Variants in DNAH10 observed in about 807,000 individuals in gnomAD.
DNAH10 encodes dynein axonemal heavy chain 10, also known as axonemal beta dynein heavy chain 10.
A neutral mutation model predicts 506.6 loss-of-function variants in DNAH10; 348 were observed. That is an observed-to-expected ratio of 0.69 (90% CI 0.63 to 0.75). DNAH10 has a LOEUF of 0.75. DNAH10 is among the 30% of genes least tolerant of loss of function. The pLI is 0.00. For missense variants in DNAH10, 5,179 were observed against 5,787.1 expected (o/e 0.89, Z 3.41); for synonymous variants, 2,059 against 2,198.6 (o/e 0.94, Z 1.78).
chr12:123,775,056 T>C (rs1400729697), intron 5 of DNAH10, among the ~76,000 whole-genome samples: 1 of 152,204 alleles, frequency 6.6e-6, no homozygotes, highest in East Asian at 1.9e-4. Context: ...GTGCACTGTG[T>C]GTGTGCAGAG....
chr12:123,921,018 C>T (rs1474645860), intron 65 of DNAH10, among the ~76,000 whole-genome samples: 2 of 152,202 alleles, frequency 1.3e-5, no homozygotes, highest in Admixed American at 1.3e-4. Flanking sequence ...AGGGATCCTC[C>T]TGCCTCGGCC....
chr12:123,785,421 TA>T lies in DNAH10; in HGVS notation c.1231-318del, dbSNP rs1054820491. The stretch of plus-strand genomic sequence containing the variant: ...TATTTGAGTTATTATTATAAGAGAT[TA>T]AAAAAAGTCTGCTCACCTGGGCAAC... On this transcript the variant is annotated intron_variant, in intron 8 of 78. Coordinates refer to ENST00000673944, the MANE Select transcript of DNAH10 (RefSeq NM_001372106.1). The surrounding 1 kb of genome is among the most constrained non-coding windows in gnomAD (Gnocchi z 4.1). Among the ~76,000 whole-genome samples, 1 of 152,022 alleles carries T rather than the reference TA, an allele frequency of 6.6e-6. No homozygotes were observed. The highest frequency in any genetic ancestry group is 2.4e-5 in the African/African-American group (1 of 41,392).
intron 43 of DNAH10, among the ~76,000 whole-genome samples, chr12:123,869,629 A>G (rs1159226713): frequency 6.6e-6 from 1 of 152,144 alleles, no homozygotes; most frequent in Non-Finnish European, 1.5e-5. Flanking sequence ...AAAAGCCTAT[A>G]GCTCCTGTCT....
At position 123,921,594 on chromosome 12, in the gene DNAH10, T is replaced by A. The variant is rs183781140; in HGVS notation, c.11507-2169T>A. ...GTTCCTGAGCTTTTGATGTGTTCTG[T>A]GGTTTGCATCTCAGCTTTATCTCCT... is the stretch of plus-strand genomic sequence containing the variant. On this transcript the variant is annotated intron_variant, in intron 65 of 78. Transcript: ENST00000673944. Among the ~76,000 whole-genome samples, 4 of 152,002 alleles carry A rather than the reference T, an allele frequency of 2.6e-5. 1 individual carries two copies. The East Asian group carries it at 7.7e-4, about 29-fold the overall frequency.
intron 14 of DNAH10, 40 bp downstream of exon 14, chr12:123,799,411 A>G: frequency 6.3e-7 from 1 of 1,588,220 alleles, no homozygotes; most frequent in South Asian, 1.1e-5. Context: ...GCCGCGTGAG[A>G]CGATGGCGTC....
At chr12:123,841,955 G>A (rs987258518) in intron 30 of DNAH10, among the ~76,000 whole-genome samples, 1 of 152,202 alleles carries the variant, frequency 6.6e-6, no homozygotes, top group Non-Finnish European at 1.5e-5. Flanking sequence ...CAAAGTGCTG[G>A]GATTACAGGT....
intron 11 of DNAH10, among the ~76,000 whole-genome samples, chr12:123,790,641 CAG>C (rs1958044156): frequency 6.6e-6 from 1 of 152,040 alleles, no homozygotes; most frequent in African/African-American, 2.4e-5. Flanking sequence ...ATGAGAAAAA[CAG>C]GAATTGTCTG....
chr12:123,930,258 G>A (rs1379767915), intron 72 of DNAH10, 144 bp from the exon 73 acceptor site: 1 of 732,742 alleles, frequency 1.4e-6, no homozygotes, highest in African/African-American at 1.8e-5. Context: ...GGCCCGAAAG[G>A]TTATGCAAGT....
In DNAH10 at chr12:123,879,523, A is replaced by T. The variant is rs1952408611; in HGVS notation, c.8467-111A>T. The T allele has an allele frequency of 2.4e-5, 36 of 1,526,986 alleles. No individual in the cohort carries two copies. The South Asian group carries it at 4.6e-4, about 19-fold the overall frequency. 94.6% of individuals were successfully genotyped at this position (1,526,986 alleles called of 1,614,324 possible). On this transcript the variant is annotated intron_variant, in intron 49 of 78. Transcript: ENST00000673944. ...TTAAGCGTCTTGCAGCAACTGAAAAAAAATAGAACGCAAATTATTTTAGAT... is the reference window on the plus strand; with the variant it reads ...TTAAGCGTCTTGCAGCAACTGAAAATAAATAGAACGCAAATTATTTTAGAT...
chr12:123,922,264 TGGG>T (rs375733522), intron 65 of DNAH10, among the ~76,000 whole-genome samples: 8,566 of 151,520 alleles, frequency 0.057, 729 homozygotes, highest in African/African-American at 0.18. Context: ...TCCCAGCTAC[TGGG>T]GGGGAGGCTG....
Position 123,909,446 on chromosome 12 carries a change from A to G in DNAH10, c.9997+4A>G. The G allele has an allele frequency of 6.4e-7, 1 of 1,570,878 alleles. No homozygotes were observed. Among genetic ancestry groups the G allele is most frequent in the Non-Finnish European group, 8.7e-7 (1 of 1,155,624 alleles). On this transcript the variant is annotated splice_donor_region_variant and intron_variant, in intron 58 of 78. Transcript: ENST00000673944. This position sits in a 1 kb window ranked among gnomAD's most constrained non-coding sequence, Gnocchi z 5.4. ...AGCCAAGTGAAAAACATCAAAGGTGAGTGTAGCCACGTGTGGGAATCGCCA... is the reference window on the plus strand; with the variant it reads ...AGCCAAGTGAAAAACATCAAAGGTGGGTGTAGCCACGTGTGGGAATCGCCA...
At chr12:123,830,792 AAAAT>A in intron 26 of DNAH10, 93 bp downstream of exon 26, 40 of 1,305,972 alleles carry the variant, frequency 3.1e-5, no homozygotes, top group South Asian at 3.5e-5. Flanking sequence ...AAAAAAAAAA[AAAAT>A]TAGCTGAGCG....
chr12:123,863,689 C>T (rs769012419), intron 39 of DNAH10, among the ~76,000 whole-genome samples: 1 of 152,210 alleles, frequency 6.6e-6, no homozygotes, highest in Non-Finnish European at 1.5e-5. Flanking sequence ...GATTAGGACT[C>T]ATCTGTATAA....
chr12:123,777,408 G>T (rs917751866), intron 5 of DNAH10, among the ~76,000 whole-genome samples: 16 of 152,236 alleles, frequency 1.1e-4, no homozygotes, highest in Non-Finnish European at 1.8e-4. Context: ...GCAAAGAAGA[G>T]CTGGAGGGCT....
Position 123,897,812 on chromosome 12 carries a change from T to TC in DNAH10, c.9323_9324insC (p.Lys3109GlufsTer34). On this transcript the variant is annotated frameshift_variant, in exon 55 of 79. Coordinates refer to ENST00000673944, the MANE Select transcript of DNAH10 (RefSeq NM_001372106.1). LOFTEE classifies it high-confidence loss of function. ...CCGGCAGAAAATATAGAAAATGTGG[T>TC]GAAGCATGTTGTCTTGGTTCACCAA... The TC allele has an allele frequency of 6.2e-7, 1 of 1,609,816 alleles. No homozygotes were observed. The highest frequency in any genetic ancestry group is 8.5e-7 in the Non-Finnish European group (1 of 1,178,886).
Position 123,853,343 on chromosome 12 carries a change from C to T in DNAH10, c.6429C>T (p.Asp2143=), listed in dbSNP as rs1951249946. The T allele has an allele frequency of 1.2e-6, 2 of 1,610,510 alleles. No individual in the cohort carries two copies. The highest frequency in any genetic ancestry group is 1.7e-6 in the Non-Finnish European group (2 of 1,178,652). ...GTGAGCTGAAGAGAGGCTCCTCTGA[C>T]CTTAGGGAGGTAGGGGCCACGTGCT... is the stretch of plus-strand genomic sequence containing the variant. ...MAGELKRGSS[D]LREDVVLMRA... Residue 2143 remains aspartate, a synonymous_variant, in exon 36 of 79, where the codon GAC becomes GAT. Coordinates refer to ENST00000673944, the MANE Select transcript of DNAH10 (RefSeq NM_001372106.1). This position sits in a 1 kb window ranked among gnomAD's most constrained non-coding sequence, Gnocchi z 4.7.
intron 57 of DNAH10, among the ~76,000 whole-genome samples, chr12:123,905,805 A>G (rs960391207): frequency 6.6e-6 from 1 of 152,154 alleles, no homozygotes; most frequent in South Asian, 2.1e-4. Context: ...GTGAGTTGCA[A>G]ATCTTTTCCT....
At position 123,796,676 on chromosome 12, in the gene DNAH10, C is replaced by A. The variant is rs1958287884; in HGVS notation, c.2007C>A (p.Ile669=). ...YCKEIDIINK[I]FVQNLENPPL... ...TTCAGATTGACATCATTAATAAAAT[C>A]TTTGTCCAGAACCTTGAAAATCCAC... Residue 669 remains isoleucine, a synonymous_variant, in exon 13 of 79, where the codon ATC becomes ATA. Transcript: ENST00000673944. The A allele has an allele frequency of 6.2e-7, 1 of 1,606,990 alleles. No individual in the cohort carries two copies. The highest frequency in any genetic ancestry group is 8.5e-7 in the Non-Finnish European group (1 of 1,177,518).
At chr12:123,933,938 C>T in intron 77 of DNAH10, 1 of 447,340 alleles carries the variant, frequency 2.2e-6, no homozygotes, top group Non-Finnish European at 3.9e-6. Context: ...GTCCCTTAGA[C>T]ATTGGTTACT....
Sources: allele counts gnomAD v4.1 joint callset (sites outside exome capture counted in the v4.1 genomes callset), GRCh38; gene constraint gnomAD v4.1.1; non-coding constraint Gnocchi (gnomAD v3.1); transcripts MANE v1.5; gene names NCBI Gene and HGNC (gene_info 2026-07-23, HGNC 2026-07-21).